CNTNAP2: variants seen among roughly 807,000 people sequenced by gnomAD.
The protein encoded by CNTNAP2 is contactin-associated protein-like 2.
In CNTNAP2, 98 loss-of-function variants were observed where a neutral mutation model predicts 155.2. The ratio of observed to expected loss-of-function variants is 0.63; its 90% CI spans 0.54 to 0.75. The LOEUF (loss-of-function observed/expected upper bound fraction) is 0.75, where lower values mean the gene tolerates loss of function less well. Among genes scored for constraint, CNTNAP2 ranks in the 30% least tolerant of loss-of-function variants. The pLI, the probability that CNTNAP2 is intolerant of heterozygous loss-of-function variation, is 0.00. For synonymous variants in CNTNAP2, 651 were observed against 631.2 expected (o/e 1.03, Z -0.47); for missense variants, 1,727 against 1,688.1 (o/e 1.02, Z -0.40).
chr7:148,138,254 A>G (rs1265782451), intron 16 of CNTNAP2, among the ~76,000 whole-genome samples: 2 of 152,216 alleles, frequency 1.3e-5, no homozygotes, highest in African/African-American at 4.8e-5. Context: ...ATAGCCATGC[A>G]TAGCACAGTT....
At position 146,712,127 on chromosome 7, in the gene CNTNAP2, CATATCTTATGTATACTATATAGTATACAT is replaced by C. The variant is rs1563199013; in HGVS notation, c.98-62141_98-62113del. Among the ~76,000 whole-genome samples the C allele has an allele frequency of 1.3e-3, 151 of 119,874 alleles. 1 individual carries two copies. Among genetic ancestry groups the C allele is most frequent in the African/African-American group, 4.7e-3 (133 of 28,454 alleles). The allele number at this position is 119,874 out of a possible 152,430, so 78.6% of individuals were successfully genotyped here. ...TATCTTATGTATACATATATGTATA[CATATCTTATGTATACTATATAGTATACAT>C]ATCTTATGTATACAAATATGTATAC... On this transcript the variant is annotated intron_variant, in intron 1 of 23. Transcript: ENST00000361727.
In CNTNAP2 at chr7:147,639,229, C is replaced by A; in HGVS notation, c.2021C>A (p.Ala674Asp). The change falls in exon 13 of 24, where the codon GCC becomes GAC. Residue 674 changes from alanine to aspartate, a missense_variant. Coordinates refer to ENST00000361727, the MANE Select transcript of CNTNAP2 (RefSeq NM_014141.6). ...AGCGCCTCCATGGACCAGATAAGTG[C>A]CATCACTGACAGTGCCGAGTACTGC... ...VYSASMDQISAITDSAEYCEQ... is the reference protein window; with the variant it reads ...VYSASMDQISDITDSAEYCEQ... The A allele has an allele frequency of 1.2e-6, 2 of 1,614,078 alleles. No homozygotes were observed. Among genetic ancestry groups the A allele is most frequent in the Non-Finnish European group, 8.5e-7 (1 of 1,179,994 alleles).
chr7:147,461,808 G>T (rs1297146447), intron 10 of CNTNAP2, among the ~76,000 whole-genome samples: 2 of 152,158 alleles, frequency 1.3e-5, no homozygotes, highest in Non-Finnish European at 2.9e-5. Flanking sequence ...CATTGGTGCA[G>T]TCTTGATTTC....
chr7:147,964,267 A>G (rs914296606), intron 14 of CNTNAP2, among the ~76,000 whole-genome samples: 2 of 152,120 alleles, frequency 1.3e-5, no homozygotes, highest in African/African-American at 4.8e-5. Context: ...AGCTTTCAAA[A>G]CTACCAGAAT....
chr7:147,458,410 T>C (rs1797959838), intron 10 of CNTNAP2, among the ~76,000 whole-genome samples: 1 of 152,142 alleles, frequency 6.6e-6, no homozygotes, highest in Non-Finnish European at 1.5e-5. Flanking sequence ...TGAGATACTG[T>C]GTTGATAACA....
intron 16 of CNTNAP2, among the ~76,000 whole-genome samples, chr7:148,126,945 G>A (rs1804728926): frequency 6.6e-6 from 1 of 152,052 alleles, no homozygotes; most frequent in East Asian, 1.9e-4. Context: ...GAGGAAGGAA[G>A]TGTTTGAAAG....
intron 11 of CNTNAP2, among the ~76,000 whole-genome samples, chr7:147,551,171 A>G (rs992722285): frequency 1.1e-4 from 16 of 152,304 alleles, no homozygotes; most frequent in African/African-American, 3.4e-4. Flanking sequence ...TAGCTCAGGT[A>G]TATCATTATC....
At chr7:146,157,979 C>G (rs969381732) in intron 1 of CNTNAP2, among the ~76,000 whole-genome samples, 1 of 152,302 alleles carries the variant, frequency 6.6e-6, no homozygotes, top group East Asian at 1.9e-4. Context: ...CTAGGAGACA[C>G]CTCCCAGTAG....
intron 1 of CNTNAP2, among the ~76,000 whole-genome samples, chr7:146,756,093 G>A (rs144061904): frequency 6.9e-4 from 105 of 151,770 alleles, no homozygotes; most frequent in African/African-American, 2.5e-3. Flanking sequence ...ACAAAAATAG[G>A]AAAAAATAAT....
intron 12 of CNTNAP2, among the ~76,000 whole-genome samples, chr7:147,614,070 T>C (rs962190220): frequency 6.6e-6 from 1 of 152,204 alleles, no homozygotes; most frequent in African/African-American, 2.4e-5. Context: ...AGACTTTGCT[T>C]TAAGTTTTTA....
intron 12 of CNTNAP2, among the ~76,000 whole-genome samples, chr7:147,576,662 C>T (rs1197207975): frequency 2.0e-5 from 3 of 152,048 alleles, no homozygotes; most frequent in Non-Finnish European, 4.4e-5. Flanking sequence ...TGAAGAGTTA[C>T]TAAAATGTTT....
At chr7:148,130,806 T>C (rs1455046413) in intron 16 of CNTNAP2, among the ~76,000 whole-genome samples, 1 of 152,056 alleles carries the variant, frequency 6.6e-6, no homozygotes, top group African/African-American at 2.4e-5. Context: ...CACACAAAAT[T>C]TTTTTTATCA....
At chr7:146,941,462 A>G (rs1797055031) in intron 3 of CNTNAP2, among the ~76,000 whole-genome samples, 1 of 152,188 alleles carries the variant, frequency 6.6e-6, no homozygotes, top group Admixed American at 6.5e-5. Context: ...AAATTACTGT[A>G]GTGATTACTA....
At chr7:146,947,516 AGTGTGTATGTAT>A (rs1200617389) in intron 3 of CNTNAP2, among the ~76,000 whole-genome samples, 1 of 137,908 alleles carries the variant, frequency 7.3e-6, no homozygotes, top group African/African-American at 2.7e-5. Flanking sequence ...AGATATATAT[AGTGTGTATGTAT>A]GTGTGTGTGT....
At chr7:147,774,261 AT>A (rs1231847119) in intron 13 of CNTNAP2, among the ~76,000 whole-genome samples, 1 of 152,170 alleles carries the variant, frequency 6.6e-6, no homozygotes, top group Non-Finnish European at 1.5e-5. Flanking sequence ...TTTATTAATG[AT>A]TTCCTGAAAC....
intron 13 of CNTNAP2, among the ~76,000 whole-genome samples, chr7:147,784,492 CTAATATATATA>C (rs1797704666): frequency 1.9e-5 from 1 of 51,706 alleles, no homozygotes; most frequent in Non-Finnish European, 3.7e-5. Flanking sequence ...GGGCTCTGGA[CTAATATATATA>C]TATATATATA....
chr7:146,701,988 G>A (rs748182873), intron 1 of CNTNAP2, among the ~76,000 whole-genome samples: 2 of 152,148 alleles, frequency 1.3e-5, no homozygotes, highest in East Asian at 1.9e-4. Flanking sequence ...GGTGTGCTTC[G>A]CTGGAGAGTG....
intron 14 of CNTNAP2, among the ~76,000 whole-genome samples, chr7:147,957,890 C>T (rs1801046843): frequency 6.8e-6 from 1 of 147,194 alleles, no homozygotes; most frequent in Admixed American, 6.6e-5. Context: ...GTCTGGACAA[C>T]ATGAGGAGAC....
chr7:147,437,502 T>G (rs548811271), intron 10 of CNTNAP2, among the ~76,000 whole-genome samples: 1 of 152,256 alleles, frequency 6.6e-6, no homozygotes, highest in South Asian at 2.1e-4. Flanking sequence ...TGTCCAACAT[T>G]TCATAGTAGG....
Sources: gnomAD v4.1 joint callset for allele counts (sites outside exome capture counted in the v4.1 genomes callset) on GRCh38, gnomAD v4.1.1 for gene constraint, MANE v1.5 for transcripts, NCBI Gene and HGNC (gene_info 2026-07-23, HGNC 2026-07-21) for gene names.